The following ERCC6 variants were observed in gnomAD, a reference collection of about 807,000 sequenced individuals.
ERCC6 encodes the protein ERCC excision repair 6, chromatin remodeling factor.
A neutral mutation model predicts 158.7 loss-of-function variants in ERCC6; 116 were observed. The observed-to-expected ratio is 0.73, with a 90% CI of 0.63 to 0.85. The LOEUF is 0.85. ERCC6 is among the 40% of genes least tolerant of loss of function. ERCC6 has a pLI of 0.00. For missense variants in ERCC6, 1,698 were observed against 1,799.4 expected, an observed-to-expected ratio of 0.94 and a Z score of 1.02; for synonymous variants, 678 against 659.3, an observed-to-expected ratio of 1.03 and a Z score of -0.43.
chr10:49,529,831 A>G (rs1205931621), intron 3 of ERCC6, among the ~76,000 whole-genome samples: 3 of 152,238 alleles, frequency 2.0e-5, no homozygotes, highest in South Asian at 2.1e-4. Flanking sequence ...AAAGGGGTAC[A>G]TAAATCATAA....
intron 10 of ERCC6, among the ~76,000 whole-genome samples, chr10:49,478,929 G>T (rs906867344): frequency 6.6e-6 from 1 of 152,104 alleles, no homozygotes; most frequent in African/African-American, 2.4e-5. Context: ...TAACTCTGGG[G>T]AAAAGCTACA....
chr10:49,473,354 T>C (rs1850815434), intron 14 of ERCC6, 123 bp downstream of exon 14: 4 of 810,408 alleles, frequency 4.9e-6, no homozygotes, highest in South Asian at 4.1e-5. Context: ...AAGTCTCCCC[T>C]TAGGCCCCCT....
rs1279956281 is a variant in ERCC6 at position 49,513,274 on chromosome 10, C to T, written c.1398-7262G>A. 2.0e-5 allele frequency among the ~76,000 whole-genome samples: 3 copies of T among 152,264 alleles called. No individual in the cohort carries two copies. The East Asian group carries it at 5.8e-4, about 29-fold the overall frequency. ...TGTCTAACCCCTATGCTATATACTG[C>T]CTCCTTAAGGAAAGTCAGCTAGCTC... On this transcript the variant is annotated intron_variant, in intron 5 of 20. Transcript: ENST00000355832.
the ERCC6 span, among the ~76,000 whole-genome samples, chr10:49,441,621 G>A: frequency 6.6e-6 from 1 of 152,150 alleles, no homozygotes; most frequent in African/African-American, 2.4e-5. Context: ...TCCCCCAGCC[G>A]CCGGCGTCTC....
In ERCC6 at chr10:49,519,519, T is replaced by A. The variant is rs530980379; in HGVS notation, c.1397+4514A>T. Among the ~76,000 whole-genome samples, 4 of 152,242 alleles carry A rather than the reference T, an allele frequency of 2.6e-5. No homozygotes were observed. In the South Asian group the frequency reaches 8.3e-4, roughly 32 times the overall value. ...AACCATGCAGAGGAACCAACTCAAA[T>A]CCACTTCAGGCTATGCATTTAGCAG... On this transcript the variant is annotated intron_variant, in intron 5 of 20. Coordinates refer to ENST00000355832, the MANE Select transcript of ERCC6 (RefSeq NM_000124.4).
At chr10:49,453,450 C>T (rs1590392251), downstream of ERCC6, among the ~76,000 whole-genome samples, 7 of 152,274 alleles carry the variant, frequency 4.6e-5, no homozygotes, top group South Asian at 1.4e-3. Flanking sequence ...CTCCCAGCCA[C>T]CTCCTTTGTG....
intron 12 of ERCC6, among the ~76,000 whole-genome samples, chr10:49,474,894 C>G (rs925225974): frequency 1.3e-5 from 2 of 152,230 alleles, no homozygotes; most frequent in East Asian, 3.8e-4. Context: ...TAATGGGGCT[C>G]TTCCAGCCTT....
downstream of ERCC6, among the ~76,000 whole-genome samples, chr10:49,449,194 T>C (rs1385731283): frequency 6.6e-6 from 1 of 152,248 alleles, no homozygotes; most frequent in Admixed American, 6.5e-5. Flanking sequence ...TGATATCTCA[T>C]TGTGGTTTTG....
At chr10:49,438,359 G>A in the ERCC6 span, among the ~76,000 whole-genome samples, 1 of 152,214 alleles carries the variant, frequency 6.6e-6, no homozygotes, top group South Asian at 2.1e-4. Flanking sequence ...CTTCTTACAT[G>A]GCAGTGGCAA....
intron 5 of ERCC6, among the ~76,000 whole-genome samples, chr10:49,506,801 G>A (rs973296480): frequency 3.3e-5 from 5 of 151,418 alleles, no homozygotes; most frequent in Admixed American, 2.0e-4. Flanking sequence ...TCTAGTTGTC[G>A]TGAGTGGGGA....
chr10:49,464,204 T>C (rs540134425), intron 18 of ERCC6, among the ~76,000 whole-genome samples: 3 of 152,302 alleles, frequency 2.0e-5, no homozygotes, highest in Non-Finnish European at 4.4e-5. Flanking sequence ...TTGTTGGGAA[T>C]TGGAGCAAAG....
intron 5 of ERCC6, among the ~76,000 whole-genome samples, chr10:49,507,708 T>C (rs1851467892): frequency 6.6e-6 from 1 of 152,164 alleles, no homozygotes; most frequent in African/African-American, 2.4e-5. Flanking sequence ...AGAGATATTC[T>C]TGGTTGTTAG....
At chr10:49,469,249 GA>G (rs1446985124) in intron 18 of ERCC6, among the ~76,000 whole-genome samples, 1 of 152,154 alleles carries the variant, frequency 6.6e-6, no homozygotes, top group Non-Finnish European at 1.5e-5. Context: ...TTAGCATTGA[GA>G]AACCTGGCAG....
At chr10:49,441,830 G>A in the ERCC6 span, among the ~76,000 whole-genome samples, 2 of 152,158 alleles carry the variant, frequency 1.3e-5, no homozygotes, top group Non-Finnish European at 2.9e-5. Flanking sequence ...TACTGTTTAC[G>A]ACCAACTAAA....
rs1836825359 is a variant in ERCC6 at position 49,511,882 on chromosome 10, G to A, written c.1398-5870C>T. ...ATTACAGGCATTTAACTGGTAAGGG[G>A]AGGCCTGAACTTTAGAAAATATAAT... is the stretch of plus-strand genomic sequence containing the variant. On this transcript the variant is annotated intron_variant, in intron 5 of 20. Transcript: ENST00000355832. Among the ~76,000 whole-genome samples, 3 of 152,254 alleles carry A rather than the reference G, an allele frequency of 2.0e-5. No individual in the cohort carries two copies. In the South Asian group the frequency reaches 6.2e-4, roughly 32 times the overall value.
In ERCC6 at chr10:49,489,657, G is replaced by A. The variant is rs141800155; in HGVS notation, c.1821+3460C>T. On this transcript the variant is annotated intron_variant, in intron 8 of 20. Transcript: ENST00000355832. ...CCTAAGATGTTACAGAACTACTAGAGACTACGTAGCAAAAAAAGGTAGGAG... is the reference window on the plus strand; with the variant it reads ...CCTAAGATGTTACAGAACTACTAGAAACTACGTAGCAAAAAAAGGTAGGAG... Among the ~76,000 whole-genome samples, 261 of 152,152 alleles carry A rather than the reference G, an allele frequency of 1.7e-3. 1 individual carries two copies. The highest frequency in any genetic ancestry group is 5.9e-3 in the African/African-American group (246 of 41,492).
In ERCC6 at chr10:49,532,543, G is replaced by T. The variant is rs781663379; in HGVS notation, c.422C>A (p.Thr141Lys). 6.2e-7 allele frequency: 1 copy of T among 1,613,768 alleles called. No homozygotes were observed. The highest frequency in any genetic ancestry group is 8.5e-7 in the Non-Finnish European group (1 of 1,180,044). ...KEYRSVLDDL[T>K]SCTTSLRQIN... ...AAGGAAGAAGATGGGCTGCACTCAC[G>T]TGAGGTCATCCAGGACCGACCGATA... Residue 141 changes from threonine (T) to lysine (K), a missense_variant and splice_region_variant, in exon 2 of 21, where the codon ACG becomes AAG. By Grantham distance (78) the Thr-to-Lys change is moderately conservative. Transcript: ENST00000355832.
At chr10:49,477,363 CA>C (rs1850896927) in intron 11 of ERCC6, among the ~76,000 whole-genome samples, 1 of 152,088 alleles carries the variant, frequency 6.6e-6, no homozygotes, top group Non-Finnish European at 1.5e-5. Flanking sequence ...AAGACCCACT[CA>C]TTCTCCCCAG....
intron 8 of ERCC6, among the ~76,000 whole-genome samples, chr10:49,486,193 C>T (rs550882859): frequency 6.6e-6 from 1 of 152,266 alleles, no homozygotes; most frequent in South Asian, 2.1e-4. Context: ...CCACAGCCTA[C>T]CCAGAGAGCT....
Sources: allele counts gnomAD v4.1 joint callset (sites outside exome capture counted in the v4.1 genomes callset), GRCh38; gene constraint gnomAD v4.1.1; transcripts MANE v1.5; gene names NCBI Gene and HGNC (gene_info 2026-07-23, HGNC 2026-07-21).